Variants in ADGRL2 observed in about 807,000 individuals in gnomAD.
ADGRL2 encodes adhesion G protein-coupled receptor L2.
In ADGRL2, 44 loss-of-function variants were observed where a neutral mutation model predicts 157.4. That is an observed-to-expected ratio of 0.28 (90% confidence interval 0.22 to 0.36). The LOEUF is 0.36. ADGRL2 is among the 10% of genes least tolerant of loss of function. The probability of loss-of-function intolerance (pLI) is 1.00; values close to 1 mark genes in which losing one functional copy is unlikely to be tolerated. For missense variants in ADGRL2, 1,510 were observed against 1,768.9 expected (o/e 0.85, Z 2.63); for synonymous variants, 585 against 624.7 (o/e 0.94, Z 0.95).
intron 1 of ADGRL2, among the ~76,000 whole-genome samples, chr1:81,704,079 G>A (rs549470987): frequency 4.4e-4 from 67 of 152,226 alleles, no homozygotes; most frequent in Non-Finnish European, 8.1e-4. Flanking sequence ...ACACAAGCCT[G>A]TATGGGGATG....
At chr1:81,599,197 C>T (rs1453482349) in intron 3 of ADGRL2, among the ~76,000 whole-genome samples, 1 of 152,204 alleles carries the variant, frequency 6.6e-6, no homozygotes, top group Non-Finnish European at 1.5e-5. Flanking sequence ...GCCTTTCTGT[C>T]CTCACCACAC....
chr1:81,742,849 A>G (rs1315862756), intron 1 of ADGRL2, among the ~76,000 whole-genome samples: 2 of 152,046 alleles, frequency 1.3e-5, no homozygotes, highest in Admixed American at 6.6e-5. Context: ...TCTCCAAGCC[A>G]TTGCTTTTCC....
intron 1 of ADGRL2, among the ~76,000 whole-genome samples, chr1:81,415,882 C>T (rs1448262936): frequency 6.6e-6 from 1 of 150,616 alleles, no homozygotes; most frequent in East Asian, 1.9e-4. Context: ...GCTCTGTCGC[C>T]CAGGCTGGAG....
intron 4 of ADGRL2, among the ~76,000 whole-genome samples, chr1:81,940,955 T>TTTTTTTTTTTTTTTTTTTTTG: frequency 6.7e-6 from 1 of 149,822 alleles, no homozygotes; most frequent in Non-Finnish European, 1.5e-5. Context: ...TTTTTCCTCA[T>TTTTTTTTTTTTTTTTTTTTTG]GTAACTCTAC....
At chr1:81,387,320 C>T (rs951077407) in intron 1 of ADGRL2, among the ~76,000 whole-genome samples, 1 of 152,096 alleles carries the variant, frequency 6.6e-6, no homozygotes, top group Non-Finnish European at 1.5e-5. Flanking sequence ...CACAGAGAAG[C>T]AGATTATACC....
intron 1 of ADGRL2, among the ~76,000 whole-genome samples, chr1:81,395,163 G>A (rs2076633558): frequency 6.6e-6 from 1 of 152,022 alleles, no homozygotes; most frequent in African/African-American, 2.4e-5. Flanking sequence ...CACCCGCTTT[G>A]GCCTTTCAAA....
intron 2 of ADGRL2, among the ~76,000 whole-genome samples, chr1:81,528,145 C>T (rs958060221): frequency 1.3e-5 from 2 of 152,188 alleles, no homozygotes; most frequent in African/African-American, 4.8e-5. Context: ...TCGCTGACAG[C>T]ATCTTGATCT....
At chr1:81,464,232 T>C (rs2078002862) in intron 2 of ADGRL2, among the ~76,000 whole-genome samples, 2 of 152,042 alleles carry the variant, frequency 1.3e-5, no homozygotes, top group Admixed American at 1.3e-4. Flanking sequence ...GCTGGCCAGC[T>C]TCCTTTCTCT....
At chr1:81,806,589 A>G (rs1237698972) in intron 1 of ADGRL2, among the ~76,000 whole-genome samples, 1 of 152,082 alleles carries the variant, frequency 6.6e-6, no homozygotes. Flanking sequence ...TCTACAAACC[A>G]TAGTAATAAA....
At chr1:81,865,131 G>A (rs1447030454) in intron 2 of ADGRL2, among the ~76,000 whole-genome samples, 2 of 152,164 alleles carry the variant, frequency 1.3e-5, no homozygotes, top group East Asian at 3.9e-4. Context: ...CTCTTACAGA[G>A]ACAAAGTTAG....
intron 2 of ADGRL2, among the ~76,000 whole-genome samples, chr1:81,531,095 A>G (rs1011390848): frequency 7.9e-5 from 12 of 152,008 alleles, no homozygotes; most frequent in Non-Finnish European, 1.3e-4. Context: ...AAAAAAAAAA[A>G]AAAGAAAGAA....
chr1:81,319,262 T>A (rs772449163), intron 1 of ADGRL2, among the ~76,000 whole-genome samples: 2 of 152,088 alleles, frequency 1.3e-5, no homozygotes, highest in African/African-American at 2.4e-5. Flanking sequence ...CTCCATCAAT[T>A]CTATGGTGAT....
At chr1:81,772,041 G>A (rs1246773842) in intron 2 of ADGRL2, among the ~76,000 whole-genome samples, 2 of 152,180 alleles carry the variant, frequency 1.3e-5, no homozygotes, top group Non-Finnish European at 2.9e-5. Context: ...CCTGTGGTCA[G>A]GAGTTTGAGA....
intron 1 of ADGRL2, among the ~76,000 whole-genome samples, chr1:81,353,111 G>A (rs1663031585): frequency 6.6e-6 from 1 of 151,982 alleles, no homozygotes; most frequent in African/African-American, 2.4e-5. Flanking sequence ...TTGATAAATG[G>A]GTGTTATGAT....
chr1:81,653,226 A>T (rs2082457680), intron 3 of ADGRL2, among the ~76,000 whole-genome samples: 1 of 151,888 alleles, frequency 6.6e-6, no homozygotes, highest in Non-Finnish European at 1.5e-5. Flanking sequence ...GTCCTCCTCC[A>T]TTACTCAGTA....
chr1:81,524,496 G>T (rs570512502), intron 2 of ADGRL2, among the ~76,000 whole-genome samples: 1 of 152,274 alleles, frequency 6.6e-6, no homozygotes, highest in South Asian at 2.1e-4. Context: ...TATATAGGAT[G>T]CCATTACAGT....
intron 1 of ADGRL2, chr1:81,426,326 T>C (rs767080823): frequency 1.2e-5 from 3 of 258,320 alleles, no homozygotes; most frequent in Non-Finnish European, 2.3e-5. Flanking sequence ...CCTATAACCA[T>C]GTTTCAGGGG....
At chr1:81,762,292 G>A (rs767180030) in intron 2 of ADGRL2, among the ~76,000 whole-genome samples, 6 of 152,000 alleles carry the variant, frequency 3.9e-5, no homozygotes, top group Admixed American at 6.6e-5. Flanking sequence ...ATGTTTGACC[G>A]GGGCTTTGCA....
intron 3 of ADGRL2, among the ~76,000 whole-genome samples, chr1:81,669,961 A>AG (rs397766055): frequency 2.1e-4 from 31 of 151,102 alleles, no homozygotes; most frequent in African/African-American, 6.8e-4. Context: ...AAAAAAAAAA[A>AG]GAGGACACCT....
Sources: allele counts gnomAD v4.1 joint callset (sites outside exome capture counted in the v4.1 genomes callset), GRCh38; gene constraint gnomAD v4.1.1; transcripts MANE v1.5; gene names NCBI Gene and HGNC (gene_info 2026-07-23, HGNC 2026-07-21).